NET1: variants seen among roughly 807,000 people sequenced by gnomAD.
NET1 encodes neuroepithelial cell-transforming gene 1 protein.
A neutral mutation model predicts 61.1 loss-of-function variants in NET1; 42 were observed. The observed-to-expected ratio is 0.69, with a 90% CI of 0.54 to 0.89. The LOEUF is 0.89. NET1 is among the 40% of genes least tolerant of loss of function. The pLI, the probability that NET1 is intolerant of heterozygous loss-of-function variation, is 0.00. For synonymous variants in NET1, 254 were observed against 281.8 expected, an observed-to-expected ratio of 0.90 and a Z score of 0.99; for missense variants, 654 against 747.3, an observed-to-expected ratio of 0.88 and a Z score of 1.46.
chr10:5,430,078 A>G (rs769723045), intron 3 of NET1, among the ~76,000 whole-genome samples: 96 of 152,212 alleles, frequency 6.3e-4, no homozygotes, highest in Admixed American at 3.9e-4. Flanking sequence ...GTGTCTTCAT[A>G]GAAGAATTAT....
At position 5,421,133 on chromosome 10, in the gene NET1, C is replaced by T. The variant is rs1476157655; in HGVS notation, c.129-5522C>T. 6.6e-6 allele frequency among the ~76,000 whole-genome samples: 1 copy of T among 152,144 alleles called. No homozygotes were observed. The highest frequency in any genetic ancestry group is 1.5e-5 in the Non-Finnish European group (1 of 68,026). On this transcript the variant is annotated intron_variant, in intron 1 of 11. Coordinates refer to ENST00000355029, the MANE Select transcript of NET1 (RefSeq NM_001047160.3). This position sits in a 1 kb window ranked among gnomAD's most constrained non-coding sequence, Gnocchi z 4.2. ...TTAGGCATTAAAAGCAGTCAGACTT[C>T]CTAGGTTCAAATTCTGGCTCTTAAG...
In NET1 at chr10:5,421,855, T is replaced by A. The variant is rs1832178445; in HGVS notation, c.129-4800T>A. ...AATTTCTATTTTCAGGACATACAAG[T>A]GGAATCATACAATGTGTAGTCTTTC... On this transcript the variant is annotated intron_variant, in intron 1 of 11. Coordinates refer to ENST00000355029, the MANE Select transcript of NET1 (RefSeq NM_001047160.3). This position sits in a 1 kb window ranked among gnomAD's most constrained non-coding sequence, Gnocchi z 4.2. 6.6e-6 allele frequency among the ~76,000 whole-genome samples: 1 copy of A among 152,216 alleles called. No individual in the cohort carries two copies. The highest frequency in any genetic ancestry group is 1.5e-5 in the Non-Finnish European group (1 of 68,034).
At position 5,412,754 on chromosome 10, in the gene NET1, C is replaced by T. The variant is rs1193918004; in HGVS notation, c.62C>T (p.Ser21Phe). The change falls in exon 1 of 12, where the codon TCT becomes TTT. Residue 21 changes from serine to phenylalanine, a missense_variant. Coordinates refer to ENST00000355029, the MANE Select transcript of NET1 (RefSeq NM_001047160.3). The surrounding 1 kb of genome is among the most constrained non-coding windows in gnomAD (Gnocchi z 6.5). ...PRPRRRSRRA[S>F]GLSTEGATGP... ...CCGCGGAGGCGAAGCCGCCGGGCCT[C>T]TGGGCTCAGCACGGAGGGAGCGACG... The T allele has an allele frequency of 4.7e-6, 7 of 1,483,132 alleles. No individual in the cohort carries two copies. In the South Asian group the frequency reaches 5.2e-5, roughly 11 times the overall value. The allele number at this position is 1,483,132 out of a possible 1,614,324, so 91.9% of individuals were successfully genotyped here.
chr10:5,427,761 T>C lies in NET1; in HGVS notation c.195+1040T>C, dbSNP rs571162677. ...ACAGTGTGTTATAATTTTGCTCTGCTGCTTTGAGCATTTCCTCCTGGTGTG... is the reference window on the plus strand; with the variant it reads ...ACAGTGTGTTATAATTTTGCTCTGCCGCTTTGAGCATTTCCTCCTGGTGTG... On this transcript the variant is annotated intron_variant, in intron 2 of 11. Coordinates refer to ENST00000355029, the MANE Select transcript of NET1 (RefSeq NM_001047160.3). This position sits in a 1 kb window ranked among gnomAD's most constrained non-coding sequence, Gnocchi z 4.1. Among the ~76,000 whole-genome samples the C allele has an allele frequency of 6.6e-6, 1 of 152,348 alleles. No homozygotes were observed. Among genetic ancestry groups the C allele is most frequent in the South Asian group, 2.1e-4 (1 of 4,832 alleles).
chr10:5,452,865 A>G lies in NET1; in HGVS notation c.539A>G (p.Tyr180Cys), dbSNP rs781776606. The G allele has an allele frequency of 2.5e-6, 4 of 1,613,248 alleles. No homozygotes were observed. The highest frequency in any genetic ancestry group is 2.2e-5 in the East Asian group (1 of 44,846). ...TREIRRQEAI[Y>C]EMSRGEQDLI... Reference sequence around the variant, plus strand: ...TTTGCTGGATGTTTTTAGGCAATATATGAAATGTCCCGAGGTGAACAGGAT... The same window carrying G: ...TTTGCTGGATGTTTTTAGGCAATATGTGAAATGTCCCGAGGTGAACAGGAT... The change falls in exon 6 of 12, where the codon TAT (tyrosine) becomes TGT (cysteine). Residue 180 changes from tyrosine (Y) to cysteine (C), a missense_variant. Tyr to Cys is a radical substitution (Grantham distance 194, BLOSUM62 -2). Coordinates refer to ENST00000355029, the MANE Select transcript of NET1 (RefSeq NM_001047160.3). The surrounding 1 kb of genome is among the most constrained non-coding windows in gnomAD (Gnocchi z 4.0).
At position 5,446,884 on chromosome 10, in the gene NET1, C is replaced by G. The variant is rs757377315; in HGVS notation, c.256-4946C>G. On this transcript the variant is annotated intron_variant, in intron 3 of 11. Coordinates refer to ENST00000355029, the MANE Select transcript of NET1 (RefSeq NM_001047160.3). The surrounding 1 kb of genome is among the most constrained non-coding windows in gnomAD (Gnocchi z 5.0). The stretch of plus-strand genomic sequence containing the variant: ...GTAAGACTTTAAGAGAAACGTTAGG[C>G]AAAAGGAATGTTTTCTAACTCCACG... The G allele has an allele frequency of 6.4e-7, 1 of 1,572,372 alleles. No homozygotes were observed. The highest frequency in any genetic ancestry group is 1.2e-5 in the South Asian group (1 of 85,080).
intron 3 of NET1, among the ~76,000 whole-genome samples, chr10:5,434,536 C>A (rs1588430321): frequency 6.6e-6 from 1 of 152,108 alleles, no homozygotes; most frequent in African/African-American, 2.4e-5. Flanking sequence ...TTCTCCTGTT[C>A]CCAGGGCCAT....
At position 5,449,002 on chromosome 10, in the gene NET1, C is replaced by T. The variant is rs765331332; in HGVS notation, c.256-2828C>T. On this transcript the variant is annotated intron_variant, in intron 3 of 11. Transcript: ENST00000355029. This position sits in a 1 kb window ranked among gnomAD's most constrained non-coding sequence, Gnocchi z 4.4. ...CTCTAAAGAAAACTACTTTTGGTTT[C>T]GGCTCACATGGGCCAATTTCTGACG... Among the ~76,000 whole-genome samples, 43 of 152,254 alleles carry T rather than the reference C, an allele frequency of 2.8e-4. No homozygotes were observed. Among genetic ancestry groups the T allele is most frequent in the East Asian group, 3.9e-4 (2 of 5,178 alleles).
rs1195033836 is a variant in NET1, at chr10:5,456,115, T to C, written c.1226T>C (p.Ile409Thr). Residue 409 changes from isoleucine to threonine, a missense_variant, in exon 11 of 12, where the codon ATC becomes ACC. By Grantham distance (89) the Ile-to-Thr change is moderately conservative. Transcript: ENST00000355029. This position sits in a 1 kb window ranked among gnomAD's most constrained non-coding sequence, Gnocchi z 7.0. ...HKLYIFLFQDILVLTRPVTRN... is the reference protein window; with the variant it reads ...HKLYIFLFQDTLVLTRPVTRN... ...CTTTACATTTTCCTGTTTCAAGACA[T>C]CTTGGTTCTGACTCGGCCCGTCACA... The C allele has an allele frequency of 6.2e-7, 1 of 1,613,404 alleles. No homozygotes were observed. Among genetic ancestry groups the C allele is most frequent in the Non-Finnish European group, 8.5e-7 (1 of 1,179,834 alleles).
intron 1 of NET1, among the ~76,000 whole-genome samples, chr10:5,418,538 T>A (rs940843333): frequency 1.3e-5 from 2 of 152,162 alleles, no homozygotes; most frequent in Non-Finnish European, 2.9e-5. Context: ...TCTTTCTTTT[T>A]ATGATGATGG....
chr10:5,450,567 G>A (rs1161191537), intron 3 of NET1, among the ~76,000 whole-genome samples: 1 of 151,780 alleles, frequency 6.6e-6, no homozygotes, highest in South Asian at 2.1e-4. Flanking sequence ...TTTAGAAAAA[G>A]TTGCTTCTTC....
In NET1 at chr10:5,420,889, C is replaced by G. The variant is rs923641286; in HGVS notation, c.129-5766C>G. On this transcript the variant is annotated intron_variant, in intron 1 of 11. Transcript: ENST00000355029. This position sits in a 1 kb window ranked among gnomAD's most constrained non-coding sequence, Gnocchi z 5.3. ...GATTACAAGTATGAGTCACTGTGCC[C>G]GGCCAGCAAGGGTCTTTCTAAAGAA... 6.6e-6 allele frequency among the ~76,000 whole-genome samples: 1 copy of G among 152,048 alleles called. No individual in the cohort carries two copies. Among genetic ancestry groups the G allele is most frequent in the African/African-American group, 2.4e-5 (1 of 41,404 alleles).
In NET1 at chr10:5,456,752, G is replaced by A. The variant is rs1368836922; in HGVS notation, c.1549G>A (p.Glu517Lys). 1 of 1,613,990 alleles carries A rather than the reference G, an allele frequency of 6.2e-7. No individual in the cohort carries two copies. The highest frequency in any genetic ancestry group is 1.1e-5 in the South Asian group (1 of 91,036). ...GSPPELQGLP[E>K]LHEECEGNHP... is the part of the protein sequence containing the mutation. ...TCCACCTGAGCTGCAGGGCCTGCCG[G>A]AGCTGCACGAAGAGTGTGAGGGGAA... Residue 517 changes from glutamate (E) to lysine (K), a missense_variant, in exon 12 of 12, where the codon GAG becomes AAG. Glu to Lys is a moderately conservative substitution (Grantham distance 56, BLOSUM62 1). Transcript: ENST00000355029. The surrounding 1 kb of genome is among the most constrained non-coding windows in gnomAD (Gnocchi z 7.0).
chr10:5,446,780 T>C lies in NET1; in HGVS notation c.256-5050T>C. ...ACTTGGGAAGCATGGTGGCACATGA[T>C]GAGACTGGAGGTCTCCTACCTATTA... On this transcript the variant is annotated intron_variant, in intron 3 of 11. Coordinates refer to ENST00000355029, the MANE Select transcript of NET1 (RefSeq NM_001047160.3). The surrounding 1 kb of genome is among the most constrained non-coding windows in gnomAD (Gnocchi z 5.0). 1.2e-6 allele frequency: 2 copies of C among 1,604,642 alleles called. No individual in the cohort carries two copies. Among genetic ancestry groups the C allele is most frequent in the South Asian group, 1.1e-5 (1 of 89,020 alleles).
In NET1 at chr10:5,455,020, G is replaced by C; in HGVS notation, c.1099G>C (p.Asp367His). 6.2e-7 allele frequency: 1 copy of C among 1,614,044 alleles called. No individual in the cohort carries two copies. The highest frequency in any genetic ancestry group is 8.5e-7 in the Non-Finnish European group (1 of 1,179,998). Residue 367 changes from aspartate to histidine, a missense_variant, in exon 10 of 12, where the codon GAC (aspartate) becomes CAC (histidine). Coordinates refer to ENST00000355029, the MANE Select transcript of NET1 (RefSeq NM_001047160.3). The surrounding 1 kb of genome is among the most constrained non-coding windows in gnomAD (Gnocchi z 6.5). Reference protein sequence around the residue: ...KGESECQYYIDKLEYLDEKQR... With the variant: ...KGESECQYYIHKLEYLDEKQR... ...TGAATCCGAGTGCCAGTATTACATCGACAAGCTGGAGTACCTGGATGAAAA... is the reference window on the plus strand; with the variant it reads ...TGAATCCGAGTGCCAGTATTACATCCACAAGCTGGAGTACCTGGATGAAAA...
chr10:5,441,524 T>A lies in NET1; in HGVS notation c.256-10306T>A, dbSNP rs915906068. On this transcript the variant is annotated intron_variant, in intron 3 of 11. Transcript: ENST00000355029. This position sits in a 1 kb window ranked among gnomAD's most constrained non-coding sequence, Gnocchi z 4.6. Reference sequence around the variant, plus strand: ...AAGACTAAGTGGTCTTACGTTATACTGGAAGTTATTCGTTACCTGAGATAA... The same window carrying A: ...AAGACTAAGTGGTCTTACGTTATACAGGAAGTTATTCGTTACCTGAGATAA... Among the ~76,000 whole-genome samples, 1 of 152,260 alleles carries A rather than the reference T, an allele frequency of 6.6e-6. No individual in the cohort carries two copies. The highest frequency in any genetic ancestry group is 2.4e-5 in the African/African-American group (1 of 41,476).
In NET1 at chr10:5,455,069, C is replaced by A; in HGVS notation, c.1148C>A (p.Ala383Glu). ...AAGCAGAGGGACCCCAGAATCGAAG[C>A]GAGCAAAGTGCTGCTGTGCCATGGG... The part of the protein sequence containing the change: ...DEKQRDPRIE[A>E]SKVLLCHGEL... The change falls in exon 10 of 12, where the codon GCG (alanine) becomes GAG (glutamate). Residue 383 changes from alanine to glutamate, a missense_variant. Transcript: ENST00000355029. The surrounding 1 kb of genome is among the most constrained non-coding windows in gnomAD (Gnocchi z 6.5). The A allele has an allele frequency of 6.2e-7, 1 of 1,614,002 alleles. No individual in the cohort carries two copies. The highest frequency in any genetic ancestry group is 8.5e-7 in the Non-Finnish European group (1 of 1,180,028).
rs1832714550 is a variant in NET1 at position 5,452,077 on chromosome 10, A to G, written c.363+140A>G. The G allele has an allele frequency of 2.6e-5, 17 of 649,020 alleles. No individual in the cohort carries two copies. In the East Asian group the frequency reaches 4.1e-4, roughly 16 times the overall value. 40.2% of individuals were successfully genotyped at this position (649,020 alleles called of 1,614,324 possible). A position where few individuals can be genotyped will look rare whatever the true frequency, so the allele number is the denominator to read the frequency against. ...TCTTTTTGGAATATGCTAGTAAGGA[A>G]TATTGTTCCAGAACAATGTGTAGCC... On this transcript the variant is annotated intron_variant, in intron 4 of 11. Transcript: ENST00000355029. The surrounding 1 kb of genome is among the most constrained non-coding windows in gnomAD (Gnocchi z 4.0).
rs1212055911 is a variant in NET1, at chr10:5,431,523, A to G, written c.255+2294A>G. On this transcript the variant is annotated intron_variant, in intron 3 of 11. Coordinates refer to ENST00000355029, the MANE Select transcript of NET1 (RefSeq NM_001047160.3). The surrounding 1 kb of genome is among the most constrained non-coding windows in gnomAD (Gnocchi z 4.9). ...CAAAGTGATGACATGTCTTTATCAG[A>G]CCTCTGTTTATTAACTGGAATACAT... Among the ~76,000 whole-genome samples the G allele has an allele frequency of 6.7e-6, 1 of 150,362 alleles. No homozygotes were observed. The highest frequency in any genetic ancestry group is 1.5e-5 in the Non-Finnish European group (1 of 67,544).
Sources: allele counts gnomAD v4.1 joint callset (sites outside exome capture counted in the v4.1 genomes callset), GRCh38; gene constraint gnomAD v4.1.1; non-coding constraint Gnocchi (gnomAD v3.1); transcripts MANE v1.5; gene names NCBI Gene and HGNC (gene_info 2026-07-23, HGNC 2026-07-21).